CPED1: variants seen among roughly 807,000 people sequenced by gnomAD.
CPED1 encodes cadherin like and PC-esterase domain containing 1, also known as cadherin-like and PC-esterase domain-containing protein 1.
A neutral mutation model predicts 128.2 loss-of-function variants in CPED1; 114 were observed. The ratio of observed to expected loss-of-function variants is 0.89; its 90% CI spans 0.76 to 1.04. The LOEUF is 1.04. Among genes scored for constraint, CPED1 ranks in the 50% least tolerant of loss-of-function variants. The pLI is 0.00. For synonymous variants in CPED1, 462 were observed against 426.7 expected (o/e 1.08, Z -1.02); for missense variants, 1,211 against 1,207.1 (o/e 1.00, Z -0.05).
chr7:121,285,479 T>A (rs1792547046), intron 22 of CPED1, among the ~76,000 whole-genome samples: 1 of 152,196 alleles, frequency 6.6e-6, no homozygotes, highest in African/African-American at 2.4e-5. Context: ...CAGCTGCAAA[T>A]TTTTTAAACT....
intron 16 of CPED1, among the ~76,000 whole-genome samples, chr7:121,160,872 T>A (rs1796397343): frequency 6.6e-6 from 1 of 151,518 alleles, no homozygotes; most frequent in Non-Finnish European, 1.5e-5. Context: ...GCTGAGCCTC[T>A]CAATGCTCCA....
intron 16 of CPED1, among the ~76,000 whole-genome samples, chr7:121,183,424 G>T (rs1796938827): frequency 6.6e-6 from 1 of 152,110 alleles, no homozygotes; most frequent in African/African-American, 2.4e-5. Flanking sequence ...GACCTCAAGG[G>T]TATCCCAAAG....
rs145398814 is a variant in CPED1, at chr7:121,017,616, C to T, written c.433+1768C>T. Among the ~76,000 whole-genome samples, 781 of 152,282 alleles carry T rather than the reference C, an allele frequency of 5.1e-3. 11 individuals carry two copies. Among genetic ancestry groups the T allele is most frequent in the African/African-American group, 0.018 (743 of 41,552 alleles). ...TTCTAAAATTCCTATATTTCCCTGCCTTCTTGTTGCTGCTACTGACTTTCT... is the reference window on the plus strand; with the variant it reads ...TTCTAAAATTCCTATATTTCCCTGCTTTCTTGTTGCTGCTACTGACTTTCT... On this transcript the variant is annotated intron_variant, in intron 3 of 22. Transcript: ENST00000310396.
At chr7:121,052,268 T>C (rs1176834479) in intron 4 of CPED1, among the ~76,000 whole-genome samples, 20 of 152,204 alleles carry the variant, frequency 1.3e-4, no homozygotes, top group Non-Finnish European at 8.8e-5. Context: ...CTTCATTCAG[T>C]ATAGACCAAG....
chr7:121,199,092 G>A (rs550949296), intron 16 of CPED1, among the ~76,000 whole-genome samples: 58 of 152,214 alleles, frequency 3.8e-4, no homozygotes, highest in Admixed American at 7.2e-4. Context: ...TTTGAAATAG[G>A]AATTACAAGT....
At chr7:121,136,440 A>C (rs1795783836) in intron 14 of CPED1, among the ~76,000 whole-genome samples, 1 of 151,988 alleles carries the variant, frequency 6.6e-6, no homozygotes, top group African/African-American at 2.4e-5. Flanking sequence ...TTTCTTTCTC[A>C]CCAGATTGTT....
intron 16 of CPED1, among the ~76,000 whole-genome samples, chr7:121,227,167 C>T (rs552285390): frequency 6.6e-6 from 1 of 152,184 alleles, no homozygotes; most frequent in African/African-American, 2.4e-5. Context: ...CCAGCGTTGG[C>T]CATATAGGTC....
At chr7:121,105,292 A>G (rs1015373521) in intron 7 of CPED1, among the ~76,000 whole-genome samples, 2 of 152,168 alleles carry the variant, frequency 1.3e-5, no homozygotes, top group African/African-American at 4.8e-5. Context: ...ACTGCCTTTG[A>G]TAATGTTGGG....
At chr7:121,260,707 C>A (rs755636768) in intron 18 of CPED1, among the ~76,000 whole-genome samples, 1 of 76,248 alleles carries the variant, frequency 1.3e-5, no homozygotes, top group Non-Finnish European at 3.5e-5. Flanking sequence ...GATTCATGGA[C>A]AATTAGCTCT....
rs117970842 is a variant in CPED1, at chr7:121,003,277, C to T, written c.250-12388C>T. Among the ~76,000 whole-genome samples, 578 of 152,274 alleles carry T rather than the reference C, an allele frequency of 3.8e-3. 2 individuals are homozygous for T. The highest frequency in any genetic ancestry group is 5.0e-3 in the Non-Finnish European group (343 of 68,016). ...GTTTGACCATCTAAGACATGATTTC[C>T]ACTTTAGACCTGACTGAGACCTACT... On this transcript the variant is annotated intron_variant, in intron 2 of 22. Coordinates refer to ENST00000310396, the MANE Select transcript of CPED1 (RefSeq NM_024913.5).
At chr7:121,168,230 C>G (rs1191166457) in intron 16 of CPED1, among the ~76,000 whole-genome samples, 2 of 152,142 alleles carry the variant, frequency 1.3e-5, no homozygotes, top group Admixed American at 6.5e-5. Flanking sequence ...ATCAGCTGAC[C>G]TCTTTACTCA....
chr7:121,105,726 C>T (rs979453590), intron 7 of CPED1, among the ~76,000 whole-genome samples: 1 of 152,066 alleles, frequency 6.6e-6, no homozygotes, highest in Non-Finnish European at 1.5e-5. Flanking sequence ...ATAATAACTG[C>T]AAAGTAATCA....
intron 14 of CPED1, among the ~76,000 whole-genome samples, chr7:121,138,775 G>C (rs1045344666): frequency 6.6e-6 from 1 of 152,022 alleles, no homozygotes; most frequent in Non-Finnish European, 1.5e-5. Flanking sequence ...GAGCAGAAAA[G>C]TGCGACTGTT....
intron 4 of CPED1, among the ~76,000 whole-genome samples, chr7:121,063,700 G>T (rs4577899): frequency 1.3e-5 from 2 of 152,150 alleles, no homozygotes; most frequent in South Asian, 4.1e-4. Context: ...CAGGAGAAGG[G>T]AAGAATTAAA....
intron 7 of CPED1, among the ~76,000 whole-genome samples, chr7:121,101,494 G>C (rs544218472): frequency 6.6e-6 from 1 of 151,934 alleles, no homozygotes; most frequent in Admixed American, 6.6e-5. Context: ...TATATTATTT[G>C]GCTTTTCTTA....
intron 14 of CPED1, among the ~76,000 whole-genome samples, chr7:121,139,123 T>C (rs1314914188): frequency 6.6e-6 from 1 of 152,048 alleles, no homozygotes; most frequent in Non-Finnish European, 1.5e-5. Flanking sequence ...TCGTTGAAAT[T>C]ATAGATGCAG....
At chr7:121,039,221 A>G (rs1320259521) in intron 3 of CPED1, among the ~76,000 whole-genome samples, 3 of 151,850 alleles carry the variant, frequency 2.0e-5, no homozygotes, top group Non-Finnish European at 4.4e-5. Flanking sequence ...ATGGATATTT[A>G]TTTTCTACTT....
intron 16 of CPED1, among the ~76,000 whole-genome samples, chr7:121,181,279 C>T (rs1229467055): frequency 1.3e-5 from 2 of 152,004 alleles, no homozygotes; most frequent in African/African-American, 4.8e-5. Context: ...AAGCATTTCA[C>T]TCACCATCTA....
intron 16 of CPED1, among the ~76,000 whole-genome samples, chr7:121,235,051 A>G (rs1044631566): frequency 4.6e-5 from 7 of 152,132 alleles, no homozygotes; most frequent in African/African-American, 1.4e-4. Flanking sequence ...CCCATTAGCA[A>G]TGTATAATGG....
Sources: allele counts gnomAD v4.1 joint callset (sites outside exome capture counted in the v4.1 genomes callset), GRCh38; gene constraint gnomAD v4.1.1; transcripts MANE v1.5; gene names NCBI Gene and HGNC (gene_info 2026-07-23, HGNC 2026-07-21).